COL13A1: variants seen among roughly 807,000 people sequenced by gnomAD.
COL13A1 encodes collagen alpha-1(XIII) chain.
In COL13A1, 89 loss-of-function variants were observed where a neutral mutation model predicts 130.9. The ratio of observed to expected loss-of-function variants is 0.68; its 90% CI spans 0.57 to 0.81. The LOEUF is 0.81. Ranked by LOEUF, COL13A1 falls within the 30% of genes least tolerant of loss-of-function variation. COL13A1 has a pLI of 0.00. For missense variants in COL13A1, 879 were observed against 934.6 expected (o/e 0.94, Z 0.78); for synonymous variants, 402 against 341.6 (o/e 1.18, Z -1.95).
At chr10:69,916,816 A>G (rs1301083301) in intron 17 of COL13A1, among the ~76,000 whole-genome samples, 1 of 152,078 alleles carries the variant, frequency 6.6e-6, no homozygotes, top group Non-Finnish European at 1.5e-5. Context: ...AAGAGAAGAG[A>G]GCTCCTGTCT....
chr10:69,942,957 C>A lies in COL13A1; in HGVS notation c.1915-1168C>A, dbSNP rs566162120. On this transcript the variant is annotated intron_variant, in intron 35 of 40. Transcript: ENST00000645393. ...CCACCTCCGGGTTTCAAGCGATTCT[C>A]CTGCCTCAGCCTCCCGAGTAGCTGG... 3.3e-5 allele frequency among the ~76,000 whole-genome samples: 5 copies of A among 152,366 alleles called. No individual in the cohort carries two copies. In the East Asian group the frequency reaches 9.6e-4, roughly 29 times the overall value.
intron 28 of COL13A1, 80 bp from the exon 29 acceptor site, chr10:69,929,963 C>G: frequency 8.6e-7 from 1 of 1,165,124 alleles, no homozygotes; most frequent in East Asian, 2.4e-5. Context: ...GAGTGGGATG[C>G]CGGGTGCACT....
rs775367871 is a variant in COL13A1 at position 69,918,329 on chromosome 10, G to A, written c.999+12G>A. On this transcript the variant is annotated intron_variant, in intron 19 of 40. Coordinates refer to ENST00000645393, the MANE Select transcript of COL13A1 (RefSeq NM_001368882.1). ...TGGCTGGGATGAAGGTCAGTGGACTGTTGTAACCAACACATCAGGGACAGG... is the reference window on the plus strand; with the variant it reads ...TGGCTGGGATGAAGGTCAGTGGACTATTGTAACCAACACATCAGGGACAGG... 6.2e-7 allele frequency: 1 copy of A among 1,612,852 alleles called. No homozygotes were observed. Among genetic ancestry groups the A allele is most frequent in the South Asian group, 1.1e-5 (1 of 90,974 alleles).
intron 3 of COL13A1, among the ~76,000 whole-genome samples, chr10:69,868,342 G>A (rs773451553): frequency 6.6e-6 from 1 of 152,170 alleles, no homozygotes; most frequent in African/African-American, 2.4e-5. Flanking sequence ...AGAGAGAGCG[G>A]TGTCAGCCGG....
At chr10:69,956,457 A>G (rs138276555) in intron 39 of COL13A1, 2,150 of 155,292 alleles carry the variant, frequency 0.014, 67 homozygotes, top group Admixed American at 0.08. Context: ...TGCAATACTC[A>G]TGAGGTTGCC....
chr10:69,898,336 G>A (rs1231072476), intron 13 of COL13A1, among the ~76,000 whole-genome samples: 1 of 152,234 alleles, frequency 6.6e-6, no homozygotes, highest in Non-Finnish European at 1.5e-5. Flanking sequence ...CTGCAGCCCA[G>A]CATGGCCACG....
intron 32 of COL13A1, among the ~76,000 whole-genome samples, chr10:69,936,262 G>A (rs895164013): frequency 4.6e-5 from 7 of 152,126 alleles, no homozygotes; most frequent in African/African-American, 1.4e-4. Flanking sequence ...TGGGGCCCCT[G>A]TGCATCACCC....
intron 25 of COL13A1, 114 bp downstream of exon 25, chr10:69,925,121 C>G (rs572466212): frequency 9.2e-7 from 1 of 1,086,484 alleles, no homozygotes; most frequent in East Asian, 3.0e-5. Context: ...GTTAAGGGCA[C>G]GTGCCCAAGA....
intron 6 of COL13A1, among the ~76,000 whole-genome samples, chr10:69,878,452 G>C (rs183418353): frequency 7.2e-5 from 11 of 152,268 alleles, no homozygotes; most frequent in African/African-American, 2.6e-4. Context: ...CATCAGCCCT[G>C]GGGGGTTCTT....
In COL13A1 at chr10:69,954,296, T is replaced by C. The variant is rs114103680; in HGVS notation, c.2145+1328T>C. 9.0e-3 allele frequency among the ~76,000 whole-genome samples: 1,365 copies of C among 152,334 alleles called. 23 individuals carry two copies. Among genetic ancestry groups the C allele is most frequent in the African/African-American group, 0.029 (1,189 of 41,568 alleles). On this transcript the variant is annotated intron_variant, in intron 39 of 40. Transcript: ENST00000645393. ...CTACCTCTAAAGCACAGCCACTTGA[T>C]GCCAGCCAGCTCTCCCACCCTGAAG... is the stretch of plus-strand genomic sequence containing the variant.
At chr10:69,846,537 C>G (rs1439322272) in intron 2 of COL13A1, among the ~76,000 whole-genome samples, 4 of 152,174 alleles carry the variant, frequency 2.6e-5, no homozygotes, top group Non-Finnish European at 5.9e-5. Flanking sequence ...GCTCAGAACA[C>G]CCTTCTGCTT....
At chr10:69,903,079 G>C (rs1216848197) in intron 15 of COL13A1, among the ~76,000 whole-genome samples, 6 of 152,228 alleles carry the variant, frequency 3.9e-5, no homozygotes, top group Non-Finnish European at 7.3e-5. Flanking sequence ...GCCTTCCAGG[G>C]AGGAGACCGC....
intron 5 of COL13A1, 143 bp from the exon 6 acceptor site, chr10:69,877,896 G>T (rs1396682254): frequency 2.0e-5 from 13 of 636,370 alleles, no homozygotes; most frequent in Non-Finnish European, 1.7e-5. Context: ...GTTTTGCTTT[G>T]TTTCTTATTT....
At chr10:69,803,185 G>A (rs1222490591) in intron 1 of COL13A1, among the ~76,000 whole-genome samples, 1 of 152,188 alleles carries the variant, frequency 6.6e-6, no homozygotes, top group Non-Finnish European at 1.5e-5. Flanking sequence ...TGCGGGGAGA[G>A]GGGACAGTTC....
chr10:69,820,728 TCGG>T (rs1845847506), intron 1 of COL13A1, among the ~76,000 whole-genome samples: 1 of 152,156 alleles, frequency 6.6e-6, no homozygotes, highest in Admixed American at 6.5e-5. Flanking sequence ...TACCTTGATC[TCGG>T]CCCCCTTCTG....
intron 2 of COL13A1, among the ~76,000 whole-genome samples, chr10:69,824,420 G>A (rs1040527016): frequency 1.3e-5 from 2 of 152,218 alleles, no homozygotes; most frequent in Non-Finnish European, 2.9e-5. Flanking sequence ...TCCATCATCA[G>A]AGTGGGTGGT....
At chr10:69,927,565 A>G (rs974907417) in intron 27 of COL13A1, among the ~76,000 whole-genome samples, 3 of 152,204 alleles carry the variant, frequency 2.0e-5, no homozygotes, top group African/African-American at 7.2e-5. Context: ...AAAACCAGGG[A>G]ATTTCAAGTC....
intron 3 of COL13A1, among the ~76,000 whole-genome samples, chr10:69,870,099 A>G (rs1227967461): frequency 1.3e-5 from 2 of 152,152 alleles, no homozygotes; most frequent in Non-Finnish European, 2.9e-5. Context: ...CAGTCCCCTC[A>G]TCTGTAAAAT....
chr10:69,944,146 G>A lies in COL13A1; in HGVS notation c.1936G>A (p.Val646Ile). ...CCAGGGTACTCCAGGACCAATTGGA[G>A]TTCCAGGCCCAGCGGGACCAAAGGG... ...GPPGTPGPIGVPGPAGPKGER... is the reference protein window; with the variant it reads ...GPPGTPGPIGIPGPAGPKGER... The change falls in exon 36 of 41, where the codon GTT becomes ATT. Residue 646 changes from valine (V) to isoleucine (I), a missense_variant. Val to Ile is a conservative substitution (Grantham distance 29). Coordinates refer to ENST00000645393, the MANE Select transcript of COL13A1 (RefSeq NM_001368882.1). 6.2e-7 allele frequency: 1 copy of A among 1,613,896 alleles called. No homozygotes were observed. The highest frequency in any genetic ancestry group is 8.5e-7 in the Non-Finnish European group (1 of 1,179,832).
Sources: allele counts gnomAD v4.1 joint callset (sites outside exome capture counted in the v4.1 genomes callset), GRCh38; gene constraint gnomAD v4.1.1; transcripts MANE v1.5; gene names NCBI Gene and HGNC (gene_info 2026-07-23, HGNC 2026-07-21).